The following ASH1L variants were observed in gnomAD, a reference collection of about 807,000 sequenced individuals.
ASH1L encodes the protein histone-lysine N-methyltransferase ASH1L.
ASH1L carries 23 observed loss-of-function variants against 269.0 expected under a neutral mutation model. The ratio of observed to expected loss-of-function variants is 0.09; its 90% confidence interval spans 0.06 to 0.12. The LOEUF is 0.12. ASH1L is among the 10% of genes least tolerant of loss of function. The pLI is 1.00. For synonymous variants in ASH1L, 1,187 were observed against 1,253.5 expected (o/e 0.95, Z 1.12); for missense variants, 2,912 against 3,567.8 (o/e 0.82, Z 4.68).
intron 10 of ASH1L, among the ~76,000 whole-genome samples, chr1:155,371,688 A>G (rs547336151): frequency 6.6e-6 from 1 of 151,694 alleles, no homozygotes; most frequent in Admixed American, 6.6e-5. Context: ...TAGAATACCT[A>G]ATTTACTTTT....
intron 5 of ASH1L, among the ~76,000 whole-genome samples, chr1:155,425,882 T>A (rs1394984601): frequency 7.2e-6 from 1 of 139,690 alleles, no homozygotes; most frequent in African/African-American, 2.5e-5. Context: ...CTGGCCTAAT[T>A]TTTTTTGTGG....
At chr1:155,384,499 T>A (rs12754459) in intron 7 of ASH1L, among the ~76,000 whole-genome samples, 2 of 151,944 alleles carry the variant, frequency 1.3e-5, no homozygotes, top group Non-Finnish European at 1.5e-5. Flanking sequence ...TTGTTTTTTT[T>A]ATTTTTTCTG....
In ASH1L at chr1:155,423,155, G is replaced by A. The variant is rs561762484; in HGVS notation, c.5829-7232C>T. ...GTAGAGACAGTGTTTCGTCATGCTG[G>A]CCAGGCTGATCACAATCTCCTGACC... On this transcript the variant is annotated intron_variant, in intron 5 of 27. Coordinates refer to ENST00000392403, the MANE Select transcript of ASH1L (RefSeq NM_018489.3). 2.4e-3 allele frequency among the ~76,000 whole-genome samples: 360 copies of A among 150,956 alleles called. 3 individuals are homozygous for A. The highest frequency in any genetic ancestry group is 2.7e-3 in the Non-Finnish European group (183 of 67,672).
At chr1:155,492,965 A>G (rs191974253) in intron 2 of ASH1L, among the ~76,000 whole-genome samples, 1 of 152,192 alleles carries the variant, frequency 6.6e-6, no homozygotes, top group East Asian at 1.9e-4. Context: ...CTGGGATCAC[A>G]GGAATGCAAC....
intron 1 of ASH1L, among the ~76,000 whole-genome samples, chr1:155,548,757 T>C (rs527289020): frequency 6.6e-6 from 1 of 152,220 alleles, no homozygotes; most frequent in Non-Finnish European, 1.5e-5. Flanking sequence ...ACACTCACTC[T>C]CTGGGTAATT....
At chr1:155,516,856 C>T (rs1187111611) in intron 2 of ASH1L, among the ~76,000 whole-genome samples, 2 of 151,852 alleles carry the variant, frequency 1.3e-5, no homozygotes, top group Non-Finnish European at 2.9e-5. Context: ...ATTCTGGTTG[C>T]AATAGCATCA....
chr1:155,407,238 T>C (rs1205199509), intron 6 of ASH1L, among the ~76,000 whole-genome samples: 2 of 151,944 alleles, frequency 1.3e-5, no homozygotes, highest in African/African-American at 2.4e-5. Flanking sequence ...AAAAAGTAAA[T>C]TGAAATTCCT....
chr1:155,457,166 G>A (rs776743933), intron 4 of ASH1L, among the ~76,000 whole-genome samples: 1 of 152,024 alleles, frequency 6.6e-6, no homozygotes, highest in African/African-American at 2.4e-5. Context: ...TCTGAGATTT[G>A]GGGATCATTT....
chr1:155,340,526 T>C (rs571685109), intron 25 of ASH1L, among the ~76,000 whole-genome samples: 1 of 152,162 alleles, frequency 6.6e-6, no homozygotes, highest in African/African-American at 2.4e-5. Context: ...GCTATGACTT[T>C]TGACAGGCCC....
intron 1 of ASH1L, among the ~76,000 whole-genome samples, chr1:155,529,357 T>C (rs923811091): frequency 7.2e-5 from 11 of 151,936 alleles, no homozygotes; most frequent in Non-Finnish European, 1.3e-4. Context: ...GCATCTTTTT[T>C]TTTTTTTTTT....
At chr1:155,526,519 C>T (rs895158790) in intron 1 of ASH1L, among the ~76,000 whole-genome samples, 2 of 152,174 alleles carry the variant, frequency 1.3e-5, no homozygotes, top group Admixed American at 1.3e-4. Context: ...ATATTCCTGA[C>T]CACTAACTCC....
chr1:155,342,405 G>A (rs1652897090), intron 24 of ASH1L, among the ~76,000 whole-genome samples: 1 of 152,160 alleles, frequency 6.6e-6, no homozygotes, highest in South Asian at 2.1e-4. Flanking sequence ...CAGGTTACGA[G>A]GAGTTACAAG....
intron 2 of ASH1L, among the ~76,000 whole-genome samples, chr1:155,512,373 C>T (rs573777844): frequency 1.3e-5 from 2 of 150,522 alleles, no homozygotes; most frequent in South Asian, 2.1e-4. Flanking sequence ...GCCGAGATCA[C>T]GCCACTGCAT....
chr1:155,502,541 A>T (rs1458471633), intron 2 of ASH1L, among the ~76,000 whole-genome samples: 3 of 152,240 alleles, frequency 2.0e-5, no homozygotes, highest in African/African-American at 7.2e-5. Context: ...TGTTGCTCAT[A>T]AAAAGCACAA....
At chr1:155,370,211 C>G (rs1305968369) in intron 12 of ASH1L, 2 of 392,536 alleles carry the variant, frequency 5.1e-6, no homozygotes, top group Non-Finnish European at 4.7e-6. Context: ...CTATCATCAT[C>G]ATCATTATTA....
intron 10 of ASH1L, among the ~76,000 whole-genome samples, chr1:155,376,782 G>C (rs1236137171): frequency 4.0e-5 from 6 of 151,330 alleles, no homozygotes; most frequent in African/African-American, 1.5e-4. Context: ...TTGAACCCGG[G>C]AGGCAGAGGT....
At chr1:155,517,152 GA>G (rs1441610690) in intron 2 of ASH1L, among the ~76,000 whole-genome samples, 9 of 152,076 alleles carry the variant, frequency 5.9e-5, no homozygotes, top group African/African-American at 2.2e-4. Context: ...AAACAATTTT[GA>G]AAAATAACAA....
At chr1:155,426,423 G>A (rs931476204) in intron 5 of ASH1L, among the ~76,000 whole-genome samples, 2 of 151,816 alleles carry the variant, frequency 1.3e-5, no homozygotes, top group Non-Finnish European at 2.9e-5. Flanking sequence ...GGATGGTCTC[G>A]ATCTCCTGAC....
chr1:155,344,885 A>T (rs1287373139), intron 21 of ASH1L, among the ~76,000 whole-genome samples: 1 of 152,120 alleles, frequency 6.6e-6, no homozygotes, highest in East Asian at 1.9e-4. Flanking sequence ...AACATAAATG[A>T]CGTTAAGGGT....
Sources: allele counts gnomAD v4.1 joint callset (sites outside exome capture counted in the v4.1 genomes callset), GRCh38; gene constraint gnomAD v4.1.1; transcripts MANE v1.5; gene names NCBI Gene and HGNC (gene_info 2026-07-23, HGNC 2026-07-21).